The following METAP1 variants were observed in gnomAD, a reference collection of about 807,000 sequenced individuals.
The protein encoded by METAP1 is methionine aminopeptidase 1.
METAP1 carries 28 observed loss-of-function variants against 53.8 expected under a neutral mutation model. The observed-to-expected ratio is 0.52, with a 90% CI of 0.39 to 0.71. The LOEUF (loss-of-function observed/expected upper bound fraction) is 0.71. Among genes scored for constraint, METAP1 ranks in the 30% least tolerant of loss-of-function variants. METAP1 has a pLI of 0.00. For synonymous variants in METAP1, 181 were observed against 165.7 expected (o/e 1.09, Z -0.71); for missense variants, 389 against 479.8 (o/e 0.81, Z 1.77).
intron 10 of METAP1, among the ~76,000 whole-genome samples, chr4:99,059,398 A>G (rs1727381875): frequency 6.6e-6 from 1 of 152,196 alleles, no homozygotes; most frequent in South Asian, 2.1e-4. Flanking sequence ...ACTCATCTTT[A>G]GTTGCTTGAT....
At position 99,026,390 on chromosome 4, in the gene METAP1, G is replaced by A. The variant is rs1040120978; in HGVS notation, c.115-2477G>A. 1.3e-5 allele frequency: 13 copies of A among 985,328 alleles called. No homozygotes were observed. In the African/African-American group the frequency reaches 2.1e-4, roughly 16 times the overall value. 61.0% of individuals were successfully genotyped at this position (985,328 alleles called of 1,614,324 possible). On this transcript the variant is annotated intron_variant, in intron 1 of 10. Coordinates refer to ENST00000296411, the MANE Select transcript of METAP1 (RefSeq NM_015143.3). ...AGTACATGTGACATGTTAAGCTTGT[G>A]TGTGGAGTGAAGTGTGGACATTTTT...
intron 1 of METAP1, among the ~76,000 whole-genome samples, chr4:99,017,510 G>A (rs765857350): frequency 1.3e-5 from 2 of 152,166 alleles, no homozygotes; most frequent in Non-Finnish European, 2.9e-5. Context: ...TTTTATAAGG[G>A]GTTTCAGATA....
intron 1 of METAP1, among the ~76,000 whole-genome samples, chr4:99,003,026 G>A (rs1327415210): frequency 1.3e-5 from 2 of 152,090 alleles, no homozygotes; most frequent in Non-Finnish European, 2.9e-5. Flanking sequence ...CTGAGATTGC[G>A]CCACTGCACT....
intron 1 of METAP1, among the ~76,000 whole-genome samples, chr4:99,013,376 C>T (rs1368247461): frequency 6.6e-6 from 1 of 152,144 alleles, no homozygotes; most frequent in Non-Finnish European, 1.5e-5. Context: ...GACTGCTAAA[C>T]AGAAAAATAT....
Position 99,048,741 on chromosome 4 carries a change from G to A in METAP1, c.796G>A (p.Gly266Ser), listed in dbSNP as rs565892793. ...TTCTTTTTTCCTTTCAGTGAAGCCT[G>A]GTGTTCGGTACAGAGAATTGGGAAA... ...LMQAIDAVKP[G>S]VRYRELGNII... The change falls in exon 9 of 11, where the codon GGT becomes AGT. Residue 266 changes from glycine (G) to serine (S), a missense_variant. Gly to Ser is a moderately conservative substitution (Grantham distance 56). Coordinates refer to ENST00000296411, the MANE Select transcript of METAP1 (RefSeq NM_015143.3). The A allele has an allele frequency of 6.2e-7, 1 of 1,613,728 alleles. No homozygotes were observed. Among genetic ancestry groups the A allele is most frequent in the East Asian group, 2.2e-5 (1 of 44,868 alleles).
chr4:98,996,518 T>A (rs1055554462), intron 1 of METAP1, among the ~76,000 whole-genome samples: 2 of 152,232 alleles, frequency 1.3e-5, no homozygotes, highest in African/African-American at 2.4e-5. Context: ...TAATTCATTC[T>A]TTTCTTTCGG....
intron 9 of METAP1, among the ~76,000 whole-genome samples, chr4:99,050,867 C>T (rs886132852): frequency 6.6e-6 from 1 of 152,146 alleles, no homozygotes; most frequent in Non-Finnish European, 1.5e-5. Context: ...TCTACAAAAC[C>T]GGTCCCTAGT....
At chr4:99,005,984 A>G (rs549172841) in intron 1 of METAP1, 14 of 164,918 alleles carry the variant, frequency 8.5e-5, no homozygotes, top group Admixed American at 2.5e-4. Flanking sequence ...ACATACTAGG[A>G]TGACTGCACT....
intron 9 of METAP1, among the ~76,000 whole-genome samples, chr4:99,057,354 C>G (rs1727228805): frequency 6.6e-6 from 1 of 152,202 alleles, no homozygotes; most frequent in Admixed American, 6.5e-5. Context: ...ATCTGTCATT[C>G]TCCTTTGAGC....
intron 1 of METAP1, among the ~76,000 whole-genome samples, chr4:99,014,971 G>A: frequency 6.6e-6 from 1 of 152,314 alleles, no homozygotes; most frequent in East Asian, 1.9e-4. Context: ...CCCTCAGGGT[G>A]TTGTACTTCA....
At chr4:99,027,665 C>A (rs1229054514) in intron 1 of METAP1, among the ~76,000 whole-genome samples, 3 of 151,924 alleles carry the variant, frequency 2.0e-5, no homozygotes. Flanking sequence ...ACTAACCCAA[C>A]CTCCCCAAAA....
intron 7 of METAP1, among the ~76,000 whole-genome samples, chr4:99,044,130 T>C (rs1056148690): frequency 2.0e-5 from 3 of 152,132 alleles, no homozygotes; most frequent in Admixed American, 1.3e-4. Flanking sequence ...GGTTTTGCCA[T>C]GTTGCCCAGG....
intron 1 of METAP1, among the ~76,000 whole-genome samples, chr4:98,997,150 A>G (rs1237680943): frequency 6.6e-6 from 1 of 152,268 alleles, no homozygotes; most frequent in Non-Finnish European, 1.5e-5. Context: ...GAAGGCAGAT[A>G]TATGAACACA....
chr4:99,024,194 T>C (rs1049831745), intron 1 of METAP1, among the ~76,000 whole-genome samples: 1 of 152,182 alleles, frequency 6.6e-6, no homozygotes, highest in African/African-American at 2.4e-5. Context: ...TATCGGTACA[T>C]GCAGCCCCCA....
chr4:99,047,147 A>AG (rs1384218404), intron 8 of METAP1, among the ~76,000 whole-genome samples: 1 of 151,946 alleles, frequency 6.6e-6, no homozygotes, highest in Non-Finnish European at 1.5e-5. Flanking sequence ...CCCCAGGTAG[A>AG]GGGTTTGAAA....
At chr4:99,035,083 T>C (rs1311065676) in intron 3 of METAP1, among the ~76,000 whole-genome samples, 1 of 152,204 alleles carries the variant, frequency 6.6e-6, no homozygotes, top group Non-Finnish European at 1.5e-5. Context: ...AACATGTTGG[T>C]ATATATTTAC....
intron 9 of METAP1, among the ~76,000 whole-genome samples, chr4:99,049,104 T>G (rs1268852776): frequency 6.6e-6 from 1 of 152,220 alleles, no homozygotes; most frequent in Non-Finnish European, 1.5e-5. Context: ...GCAGTTACTA[T>G]GTGACACAGG....
chr4:99,043,036 A>C (rs569325026), intron 6 of METAP1, among the ~76,000 whole-genome samples: 1 of 152,246 alleles, frequency 6.6e-6, no homozygotes, highest in South Asian at 2.1e-4. Flanking sequence ...TTGTGCAGTT[A>C]CCAGTAAACT....
At chr4:99,021,899 A>G (rs1173657552) in intron 1 of METAP1, among the ~76,000 whole-genome samples, 3 of 152,218 alleles carry the variant, frequency 2.0e-5, no homozygotes, top group African/African-American at 7.2e-5. Flanking sequence ...CTACTGGAAC[A>G]AGTTGGAGCA....
Sources: gnomAD v4.1 joint callset for allele counts (sites outside exome capture counted in the v4.1 genomes callset) on GRCh38, gnomAD v4.1.1 for gene constraint, MANE v1.5 for transcripts, NCBI Gene and HGNC (gene_info 2026-07-23, HGNC 2026-07-21) for gene names.